The following LRBA variants were observed in gnomAD, a reference collection of about 807,000 sequenced individuals.
LRBA encodes the protein lipopolysaccharide-responsive and beige-like anchor protein.
A neutral mutation model predicts 330.0 loss-of-function variants in LRBA; 176 were observed. That is an observed-to-expected ratio of 0.53 (90% CI 0.47 to 0.60). LRBA has a LOEUF of 0.60. Ranked by LOEUF, LRBA falls within the 20% of genes least tolerant of loss-of-function variation. The pLI is 0.00. For synonymous variants in LRBA, 1,230 were observed against 1,193.0 expected (o/e 1.03, Z -0.64); for missense variants, 3,259 against 3,444.8 (o/e 0.95, Z 1.35).
intron 30 of LRBA, among the ~76,000 whole-genome samples, chr4:150,819,591 A>AT (rs1199768339): frequency 2.0e-5 from 3 of 152,092 alleles, no homozygotes; most frequent in Non-Finnish European, 4.4e-5. Flanking sequence ...AATCTCAGTG[A>AT]TGGGTCTACA....
At chr4:150,470,840 T>TAC (rs146604033) in intron 43 of LRBA, among the ~76,000 whole-genome samples, 3,803 of 140,600 alleles carry the variant, frequency 0.027, 57 homozygotes, top group African/African-American at 0.045. Flanking sequence ...CCCTCATTAC[T>TAC]ACACACACAC....
At chr4:150,313,486 ATAAT>A (rs1443477245) in intron 51 of LRBA, among the ~76,000 whole-genome samples, 1 of 152,156 alleles carries the variant, frequency 6.6e-6, no homozygotes, top group Non-Finnish European at 1.5e-5. Flanking sequence ...ATGGTTTTAA[ATAAT>A]TCTTTTAGGA....
At chr4:150,275,345 A>G (rs1746617695) in intron 56 of LRBA, among the ~76,000 whole-genome samples, 2 of 152,176 alleles carry the variant, frequency 1.3e-5, no homozygotes, top group African/African-American at 4.8e-5. Flanking sequence ...CAAAAACTGA[A>G]GCATTCCCTT....
chr4:150,833,363 A>G (rs1192798062), intron 28 of LRBA, among the ~76,000 whole-genome samples: 1 of 152,050 alleles, frequency 6.6e-6, no homozygotes, highest in African/African-American at 2.4e-5. Context: ...TCTGAAAACC[A>G]AAGGCTCAAG....
intron 42 of LRBA, among the ~76,000 whole-genome samples, chr4:150,475,956 T>C (rs1366822535): frequency 1.3e-5 from 2 of 151,804 alleles, no homozygotes; most frequent in Non-Finnish European, 1.5e-5. Context: ...ATATGCTCAA[T>C]AGTCATGTCT....
At position 150,526,960 on chromosome 4, in the gene LRBA, G is replaced by A. The variant is rs370072618; in HGVS notation, c.6331-35925C>T. On this transcript the variant is annotated intron_variant, in intron 40 of 56. Coordinates refer to ENST00000651943, the MANE Select transcript of LRBA (RefSeq NM_001364905.1). The stretch of plus-strand genomic sequence containing the variant: ...TCTATATATCACAATTCGTTGATAC[G>A]CTTTTCAAGTTTTTAATCAATGAGA... Among the ~76,000 whole-genome samples, 153 of 150,552 alleles carry A rather than the reference G, an allele frequency of 1.0e-3. 2 individuals are homozygous for A. In the Middle Eastern group the frequency reaches 0.014, roughly 14 times the overall value.
intron 56 of LRBA, 53 bp from the exon 57 acceptor site, chr4:150,265,865 G>GAGA: frequency 8.5e-7 from 1 of 1,180,390 alleles, no homozygotes; most frequent in Non-Finnish European, 1.3e-6. Flanking sequence ...TCCTAGAGAT[G>GAGA]TTACTAAAAA....
In LRBA at chr4:150,406,043, A is replaced by G. The variant is rs183579262; in HGVS notation, c.7194+9395T>C. On this transcript the variant is annotated intron_variant, in intron 47 of 56. Coordinates refer to ENST00000651943, the MANE Select transcript of LRBA (RefSeq NM_001364905.1). ...ACACTCTAGCCTGGGTGACAGAGTGAGATTCTGTCTCAAAAAATAAAATGT... is the reference window on the plus strand; with the variant it reads ...ACACTCTAGCCTGGGTGACAGAGTGGGATTCTGTCTCAAAAAATAAAATGT... Among the ~76,000 whole-genome samples the G allele has an allele frequency of 1.5e-3, 236 of 152,292 alleles. 2 individuals are homozygous for G. Among genetic ancestry groups the G allele is most frequent in the South Asian group, 0.013 (63 of 4,824 alleles).
At chr4:150,647,440 C>T (rs773647061) in intron 37 of LRBA, among the ~76,000 whole-genome samples, 7 of 131,668 alleles carry the variant, frequency 5.3e-5, no homozygotes, top group Non-Finnish European at 9.4e-5. Flanking sequence ...CTCACTGTAA[C>T]CTCAACCTCC....
At chr4:150,523,783 C>A (rs1260061841) in intron 40 of LRBA, among the ~76,000 whole-genome samples, 1 of 152,002 alleles carries the variant, frequency 6.6e-6, no homozygotes, top group Non-Finnish European at 1.5e-5. Context: ...GAATTAAGTT[C>A]CAGCTCCTAG....
At chr4:150,329,214 C>T (rs1040973918) in intron 48 of LRBA, among the ~76,000 whole-genome samples, 2 of 152,180 alleles carry the variant, frequency 1.3e-5, no homozygotes, top group African/African-American at 4.8e-5. Flanking sequence ...TTCTCAGACA[C>T]AAATGCTTTA....
At chr4:150,815,380 T>C (rs1454541798) in intron 31 of LRBA, among the ~76,000 whole-genome samples, 2 of 150,698 alleles carry the variant, frequency 1.3e-5, no homozygotes, top group East Asian at 1.9e-4. Flanking sequence ...CATCAGAGTA[T>C]AATGGAACAA....
At chr4:150,633,652 T>C (rs1232488793) in intron 37 of LRBA, among the ~76,000 whole-genome samples, 1 of 152,204 alleles carries the variant, frequency 6.6e-6, no homozygotes, top group African/African-American at 2.4e-5. Flanking sequence ...CTTTCCATCA[T>C]AAAATCTTTA....
At chr4:150,404,882 C>G (rs1581218781) in intron 47 of LRBA, among the ~76,000 whole-genome samples, 1 of 152,258 alleles carries the variant, frequency 6.6e-6, no homozygotes, top group East Asian at 1.9e-4. Flanking sequence ...TGGCTTGTAT[C>G]TAGCACAATA....
chr4:150,514,165 C>T (rs561351276), intron 40 of LRBA, among the ~76,000 whole-genome samples: 16 of 152,258 alleles, frequency 1.1e-4, no homozygotes, highest in South Asian at 4.1e-4. Flanking sequence ...CTCCGCCTCC[C>T]GAGTTCAAGT....
chr4:150,271,669 G>T (rs931440781), intron 56 of LRBA, among the ~76,000 whole-genome samples: 2 of 151,964 alleles, frequency 1.3e-5, no homozygotes, highest in Non-Finnish European at 2.9e-5. Flanking sequence ...CAAGCTTGGT[G>T]GGGGGAGGAG....
At chr4:150,850,333 A>G (rs1459249686) in intron 24 of LRBA, among the ~76,000 whole-genome samples, 1 of 151,996 alleles carries the variant, frequency 6.6e-6, no homozygotes. Flanking sequence ...TGACCTTATG[A>G]TCCGCCTGCA....
rs58558446 is a variant in LRBA at position 150,694,462 on chromosome 4, C to CAAAAAAAAAAAAAAAAAAAAAAA, written c.5755-10746_5755-10745insTTTTTTTTTTTTTTTTTTTTTTT. ...CCTTACCTTAAAGTGTGATCTTTAA[C>CAAAAAAAAAAAAAAAAAAAAAAA]AAAAAAAAAAAAAAGCTATCTACAG... On this transcript the variant is annotated intron_variant, in intron 36 of 56. Transcript: ENST00000651943. Among the ~76,000 whole-genome samples the CAAAAAAAAAAAAAAAAAAAAAAA allele has an allele frequency of 1.6e-3, 117 of 71,000 alleles. 22 individuals are homozygous for CAAAAAAAAAAAAAAAAAAAAAAA. The highest frequency in any genetic ancestry group is 7.8e-3 in the East Asian group (13 of 1,668). 46.6% of individuals were successfully genotyped at this position (71,000 alleles called of 152,430 possible).
Position 150,487,748 on chromosome 4 carries a change from C to T in LRBA, c.6535G>A (p.Gly2179Arg), listed in dbSNP as rs2152093168. Residue 2179 changes from glycine (G) to arginine (R), a missense_variant, in exon 42 of 57, where the codon GGA becomes AGA. Transcript: ENST00000651943. Reference sequence around the variant, plus strand: ...AAACAGTACCTGGTTTGAGGCAATCCAAAACTTGTTCCAACGCCAACACGA... The same window carrying T: ...AAACAGTACCTGGTTTGAGGCAATCTAAAACTTGTTCCAACGCCAACACGA... ...LPRVGVGTSF[G>R]LPQTRRISLA... 1 of 1,595,630 alleles carries T rather than the reference C, an allele frequency of 6.3e-7. No homozygotes were observed. Among genetic ancestry groups the T allele is most frequent in the Non-Finnish European group, 8.6e-7 (1 of 1,167,166 alleles).
Sources: gnomAD v4.1 joint callset for allele counts (sites outside exome capture counted in the v4.1 genomes callset) on GRCh38, gnomAD v4.1.1 for gene constraint, MANE v1.5 for transcripts, NCBI Gene and HGNC (gene_info 2026-07-23, HGNC 2026-07-21) for gene names.